The following GRM1 variants were observed in gnomAD, a reference collection of about 807,000 sequenced individuals.
GRM1 encodes glutamate metabotropic receptor 1.
A neutral mutation model predicts 90.9 loss-of-function variants in GRM1; 33 were observed. The ratio of observed to expected loss-of-function variants is 0.36; its 90% CI spans 0.28 to 0.49. The LOEUF is 0.49. Among genes scored for constraint, GRM1 ranks in the 20% least tolerant of loss-of-function variants. GRM1 has a pLI of 0.99. For synonymous variants in GRM1, 700 were observed against 613.2 expected, an observed-to-expected ratio of 1.14 and a Z score of -2.09; for missense variants, 1,190 against 1,534.3, an observed-to-expected ratio of 0.78 and a Z score of 3.75.
chr6:146,045,643 A>G (rs1182790263), intron 1 of GRM1, among the ~76,000 whole-genome samples: 1 of 147,852 alleles, frequency 6.8e-6, no homozygotes, highest in Non-Finnish European at 1.5e-5. Flanking sequence ...ATGATCGATT[A>G]TTTATTCAAC....
intron 2 of GRM1, among the ~76,000 whole-genome samples, chr6:146,267,707 T>TCGG (rs1781967719): frequency 4.5e-4 from 32 of 70,402 alleles, no homozygotes; most frequent in Non-Finnish European, 8.5e-4. Context: ...GCTCGGCTCG[T>TCGG]CTCGTCTCGT....
chr6:146,308,984 C>A (rs1287931377), intron 3 of GRM1, among the ~76,000 whole-genome samples: 2 of 152,170 alleles, frequency 1.3e-5, no homozygotes, highest in East Asian at 3.9e-4. Flanking sequence ...TCACAATTTT[C>A]AAAAATGTTG....
intron 7 of GRM1, among the ~76,000 whole-genome samples, chr6:146,408,180 G>A (rs780073343): frequency 6.6e-6 from 1 of 152,078 alleles, no homozygotes. Context: ...GCTCTCTCCT[G>A]TATCTTCATT....
Position 146,304,629 on chromosome 6 carries a change from A to G in GRM1, c.969A>G (p.Arg323=). Residue 323 remains arginine, a synonymous_variant, in exon 3 of 8, where the codon AGA becomes AGG. Transcript: ENST00000282753. ...SLIGSDGWAD[R]DEVIEGYEVE... is the part of the protein sequence containing the mutation. ...TTTTTAGTGATGGATGGGCAGACAG[A>G]GATGAAGTCATTGAAGGTTATGAGG... 6.2e-7 allele frequency: 1 copy of G among 1,612,994 alleles called. No homozygotes were observed. The highest frequency in any genetic ancestry group is 8.5e-7 in the Non-Finnish European group (1 of 1,179,080).
At chr6:146,049,047 T>C (rs1173575406) in intron 1 of GRM1, among the ~76,000 whole-genome samples, 3 of 150,662 alleles carry the variant, frequency 2.0e-5, no homozygotes, top group African/African-American at 7.5e-5. Context: ...ACTTTCTGCA[T>C]GTGCTAAAAA....
At chr6:146,354,209 T>C (rs1785505603) in intron 4 of GRM1, among the ~76,000 whole-genome samples, 1 of 152,218 alleles carries the variant, frequency 6.6e-6, no homozygotes, top group South Asian at 2.1e-4. Flanking sequence ...GTAGATGGAA[T>C]GATTCAGGAA....
chr6:146,384,201 A>C (rs773313132), intron 5 of GRM1, among the ~76,000 whole-genome samples: 6 of 152,140 alleles, frequency 3.9e-5, no homozygotes, highest in Non-Finnish European at 8.8e-5. Context: ...CACAGAAATT[A>C]GCATAGGCAT....
intron 1 of GRM1, among the ~76,000 whole-genome samples, chr6:146,131,270 T>A (rs936592510): frequency 1.3e-5 from 2 of 152,032 alleles, no homozygotes; most frequent in African/African-American, 2.4e-5. Context: ...AATTTTAGAC[T>A]TTTTTTCATT....
intron 1 of GRM1, among the ~76,000 whole-genome samples, chr6:146,156,602 G>A (rs1777537068): frequency 6.6e-6 from 1 of 152,198 alleles, no homozygotes; most frequent in African/African-American, 2.4e-5. Context: ...CTATTCTTTA[G>A]CTTAAATGAT....
chr6:146,246,734 T>C (rs997507940), intron 2 of GRM1, among the ~76,000 whole-genome samples: 6 of 152,210 alleles, frequency 3.9e-5, no homozygotes, highest in Non-Finnish European at 8.8e-5. Context: ...ATCTGGATAA[T>C]AGCAGGTTCT....
chr6:146,076,548 G>C (rs987269773), intron 1 of GRM1, among the ~76,000 whole-genome samples: 2 of 152,248 alleles, frequency 1.3e-5, no homozygotes. Context: ...GTGTGAGAAG[G>C]GAGTCAAGGG....
Position 146,055,735 on chromosome 6 carries a change from A to G in GRM1, c.700+25518A>G, listed in dbSNP as rs377030193. On this transcript the variant is annotated intron_variant, in intron 1 of 7. Transcript: ENST00000282753. ...TTGGGTAATATGTGGTTTTACATTT[A>G]TAAATCAAATGGAATATAAATGATT... Among the ~76,000 whole-genome samples, 89 of 152,272 alleles carry G rather than the reference A, an allele frequency of 5.8e-4. No homozygotes were observed. In the South Asian group the frequency reaches 0.013, roughly 23 times the overall value.
intron 2 of GRM1, among the ~76,000 whole-genome samples, chr6:146,214,129 G>A (rs1316046094): frequency 6.6e-6 from 1 of 152,068 alleles, no homozygotes; most frequent in Non-Finnish European, 1.5e-5. Flanking sequence ...TCTTCCCCCA[G>A]GCAGTCCTCT....
chr6:146,205,629 G>C (rs1209785526), intron 2 of GRM1, among the ~76,000 whole-genome samples: 1 of 152,216 alleles, frequency 6.6e-6, no homozygotes, highest in Non-Finnish European at 1.5e-5. Context: ...AAGGAGGTAA[G>C]TGAAATCAGA....
intron 7 of GRM1, among the ~76,000 whole-genome samples, chr6:146,407,021 C>T (rs1197820782): frequency 3.3e-5 from 5 of 152,238 alleles, no homozygotes; most frequent in African/African-American, 7.2e-5. Flanking sequence ...AGGTGGCCAG[C>T]GCAAGGATAT....
chr6:146,086,050 A>G (rs1224439991), intron 1 of GRM1, among the ~76,000 whole-genome samples: 2 of 152,284 alleles, frequency 1.3e-5, no homozygotes, highest in African/African-American at 2.4e-5. Flanking sequence ...TGAGTGGAAT[A>G]GAGTGCATTC....
In GRM1 at chr6:146,434,896, C is replaced by T. The variant is rs1778547035; in HGVS notation, c.*100C>T. On this transcript the variant is annotated 3_prime_UTR_variant, in exon 8 of 8. Coordinates refer to ENST00000282753, the MANE Select transcript of GRM1 (RefSeq NM_001278064.2). ...GAGGAAAAGCCTGGGAGTGGGGGGC[C>T]TCGTCGGGAGGACAGGAGACCGCTG... The T allele has an allele frequency of 9.5e-7, 1 of 1,051,032 alleles. No individual in the cohort carries two copies. The highest frequency in any genetic ancestry group is 1.6e-5 in the African/African-American group (1 of 64,076). The allele number at this position is 1,051,032 out of a possible 1,614,324, so 65.1% of individuals were successfully genotyped here. A position where few individuals can be genotyped will look rare whatever the true frequency, so the allele number is the denominator to read the frequency against.
intron 2 of GRM1, among the ~76,000 whole-genome samples, chr6:146,278,764 A>T (rs1260010012): frequency 5.9e-5 from 9 of 152,206 alleles, no homozygotes; most frequent in Non-Finnish European, 1.3e-4. Flanking sequence ...AGCCTGGGTG[A>T]CAGAGTGAGA....
chr6:146,291,110 T>C (rs1227542897), intron 2 of GRM1, among the ~76,000 whole-genome samples: 1 of 152,160 alleles, frequency 6.6e-6, no homozygotes, highest in Non-Finnish European at 1.5e-5. Flanking sequence ...GCATTTGCCT[T>C]AAATTATTCC....
Sources: allele counts gnomAD v4.1 joint callset (sites outside exome capture counted in the v4.1 genomes callset), GRCh38; gene constraint gnomAD v4.1.1; transcripts MANE v1.5; gene names NCBI Gene and HGNC (gene_info 2026-07-23, HGNC 2026-07-21).